KCNAB2: variants seen among roughly 807,000 people sequenced by gnomAD.
KCNAB2 encodes potassium voltage-gated channel subfamily A regulatory beta subunit 2, also known as voltage-gated potassium channel subunit beta-2.
A neutral mutation model predicts 63.6 loss-of-function variants in KCNAB2; 29 were observed. The ratio of observed to expected loss-of-function variants is 0.46; its 90% CI spans 0.34 to 0.62. KCNAB2 has a LOEUF of 0.62. Among genes scored for constraint, KCNAB2 ranks in the 20% least tolerant of loss-of-function variants. The pLI is 0.01. For missense variants in KCNAB2, 359 were observed against 563.9 expected (o/e 0.64, Z 3.68); for synonymous variants, 222 against 224.2 (o/e 0.99, Z 0.09).
intron 15 of KCNAB2, chr1:6,097,579 C>T (rs1008741662): frequency 3.3e-5 from 26 of 787,772 alleles, no homozygotes; most frequent in East Asian, 1.1e-4. Flanking sequence ...TCAGGGTGGA[C>T]GAGCGCTGTA....
At chr1:5,997,222 G>A (rs970877088) in intron 1 of KCNAB2, among the ~76,000 whole-genome samples, 9 of 152,160 alleles carry the variant, frequency 5.9e-5, no homozygotes, top group African/African-American at 1.7e-4. Context: ...CAGGAAAACC[G>A]GAGCAGAGGA....
chr1:5,993,948 C>G (rs1011887641), intron 1 of KCNAB2, among the ~76,000 whole-genome samples: 1 of 152,112 alleles, frequency 6.6e-6, no homozygotes, highest in African/African-American at 2.4e-5. Flanking sequence ...AGCTGGGGAC[C>G]GCCACTGGGG....
Position 6,074,102 on chromosome 1 carries a change from C to A in KCNAB2, c.300+332C>A, listed in dbSNP as rs1001573805. Among the ~76,000 whole-genome samples the A allele has an allele frequency of 5.3e-5, 8 of 152,234 alleles. No individual in the cohort carries two copies. The highest frequency in any genetic ancestry group is 1.2e-4 in the Non-Finnish European group (8 of 68,042). Reference sequence around the variant, plus strand: ...ACGAGGAGAATTCAGGGTGCACACGCTTCCCAAATTCTGAAGCCGGATGCA... The same window carrying A: ...ACGAGGAGAATTCAGGGTGCACACGATTCCCAAATTCTGAAGCCGGATGCA... On this transcript the variant is annotated intron_variant, in intron 4 of 15. Coordinates refer to ENST00000378083, the MANE Select transcript of KCNAB2 (RefSeq NM_001199862.2). This position sits in a 1 kb window ranked among gnomAD's most constrained non-coding sequence, Gnocchi z 4.9.
chr1:6,082,550 C>T (rs117716210), intron 5 of KCNAB2, among the ~76,000 whole-genome samples: 1 of 152,272 alleles, frequency 6.6e-6, no homozygotes, highest in East Asian at 1.9e-4. Context: ...GTGAGAGGCG[C>T]GATGGAGCTG....
Position 6,074,026 on chromosome 1 carries a change from A to C in KCNAB2, c.300+256A>C, listed in dbSNP as rs1158929136. On this transcript the variant is annotated intron_variant, in intron 4 of 15. Coordinates refer to ENST00000378083, the MANE Select transcript of KCNAB2 (RefSeq NM_001199862.2). The surrounding 1 kb of genome is among the most constrained non-coding windows in gnomAD (Gnocchi z 4.9). ...GCCTCGGGCCTCAGCATGTCCCTTA[A>C]GCTCCCCAGGACTCAGATTTCCCAC... Among the ~76,000 whole-genome samples, 1 of 152,180 alleles carries C rather than the reference A, an allele frequency of 6.6e-6. No individual in the cohort carries two copies. Among genetic ancestry groups the C allele is most frequent in the Non-Finnish European group, 1.5e-5 (1 of 68,040 alleles).
At chr1:5,997,700 G>A (rs1260634087) in intron 1 of KCNAB2, among the ~76,000 whole-genome samples, 1 of 152,176 alleles carries the variant, frequency 6.6e-6, no homozygotes, top group East Asian at 1.9e-4. Context: ...GGAGCCCTGT[G>A]ATCCCAAACA....
Position 6,073,750 on chromosome 1 carries a change from G to A in KCNAB2, c.280G>A (p.Gly94Arg), listed in dbSNP as rs368982347. 22 of 1,614,140 alleles carry A rather than the reference G, an allele frequency of 1.4e-5. No individual in the cohort carries two copies. The highest frequency in any genetic ancestry group is 6.7e-5 in the Admixed American group (4 of 60,022). Residue 94 changes from glycine (G) to arginine (R), a missense_variant, in exon 4 of 16, where the codon GGA becomes AGA. This residue lies in a region of KCNAB2 where 271 missense variants were observed against 476.1 expected (regional missense o/e 0.57). Transcript: ENST00000378083. The surrounding 1 kb of genome is among the most constrained non-coding windows in gnomAD (Gnocchi z 5.7). The part of the protein sequence containing the change: ...CLGLGTWVTF[G>R]GQITDEMAEQ... ...CCTTCCAGGAACATGGGTGACCTTC[G>A]GAGGCCAGATCACCGATGAGGTAAG...
At chr1:6,083,616 C>A (rs1047365907) in intron 5 of KCNAB2, among the ~76,000 whole-genome samples, 4 of 152,210 alleles carry the variant, frequency 2.6e-5, no homozygotes, top group African/African-American at 9.7e-5. Context: ...CCGGCCACTG[C>A]GGTCCCTCTG....
At chr1:6,018,913 T>C (rs1008392593) in intron 1 of KCNAB2, 11 of 152,246 alleles carry the variant, frequency 7.2e-5, no homozygotes, top group Non-Finnish European at 1.3e-4. Flanking sequence ...TAAAACTTTA[T>C]TTATGGATGC....
chr1:6,094,313 C>A (rs1030999565), intron 10 of KCNAB2, 87 bp from the exon 11 acceptor site: 1 of 957,186 alleles, frequency 1.0e-6, no homozygotes, highest in Non-Finnish European at 1.6e-6. Context: ...CTCCTCCCAG[C>A]GTCCTGCCTG....
chr1:6,088,447 C>G (rs1471940665), intron 7 of KCNAB2, among the ~76,000 whole-genome samples: 2 of 151,666 alleles, frequency 1.3e-5, no homozygotes, highest in African/African-American at 4.8e-5. Context: ...GGGGTTTCAT[C>G]ATGTTGTCCA....
intron 1 of KCNAB2, among the ~76,000 whole-genome samples, chr1:6,050,727 A>G (rs1452612027): frequency 1.3e-5 from 2 of 152,170 alleles, no homozygotes; most frequent in Non-Finnish European, 2.9e-5. Flanking sequence ...CATTTCAGCT[A>G]TATTTCAGTG....
At position 6,100,138 on chromosome 1, in the gene KCNAB2, G is replaced by C. The variant is rs546280933; in HGVS notation, c.*1564G>C. The C allele has an allele frequency of 7.1e-7, 1 of 1,415,216 alleles. No homozygotes were observed. The highest frequency in any genetic ancestry group is 1.4e-5 in the African/African-American group (1 of 69,076). The allele number at this position is 1,415,216 out of a possible 1,614,324, so 87.7% of individuals were successfully genotyped here. On this transcript the variant is annotated 3_prime_UTR_variant, in exon 16 of 16. Coordinates refer to ENST00000378083, the MANE Select transcript of KCNAB2 (RefSeq NM_001199862.2). ...GAAGGCTCCACCCTGCCGTCCTGCG[G>C]GAGCCTGCTGTCCAGTCCTGGCCGG...
chr1:6,088,400 T>G (rs1465204161), intron 7 of KCNAB2, among the ~76,000 whole-genome samples: 2 of 151,912 alleles, frequency 1.3e-5, no homozygotes, highest in African/African-American at 4.8e-5. Context: ...ATTTTTTTAT[T>G]TTTATTTATA....
chr1:6,020,475 C>G (rs1658755407), intron 1 of KCNAB2, among the ~76,000 whole-genome samples: 1 of 152,098 alleles, frequency 6.6e-6, no homozygotes, highest in Non-Finnish European at 1.5e-5. Context: ...TCAGCCTCTT[C>G]CATGACAAGA....
chr1:6,046,508 G>T (rs759627445), intron 1 of KCNAB2, among the ~76,000 whole-genome samples: 2 of 152,230 alleles, frequency 1.3e-5, no homozygotes, highest in Non-Finnish European at 2.9e-5. Flanking sequence ...CTCGTACCTC[G>T]CTGTGTTCAC....
intron 10 of KCNAB2, among the ~76,000 whole-genome samples, chr1:6,093,898 C>G (rs866645735): frequency 1.3e-4 from 20 of 152,340 alleles, no homozygotes; most frequent in Middle Eastern, 6.8e-3. Context: ...CCAGCCCACT[C>G]TCTGTTCCAA....
At position 6,069,237 on chromosome 1, in the gene KCNAB2, G is replaced by T. The variant is rs562295008; in HGVS notation, c.219-3518G>T. Among the ~76,000 whole-genome samples the T allele has an allele frequency of 2.1e-3, 323 of 152,316 alleles. 4 individuals carry two copies. The highest frequency in any genetic ancestry group is 7.6e-3 in the African/African-American group (316 of 41,568). ...GGAGCCACCCCATGTGCCTTCCTCC[G>T]CAACCAGCTAGCCAAGGCCACGGTG... On this transcript the variant is annotated intron_variant, in intron 2 of 15. Coordinates refer to ENST00000378083, the MANE Select transcript of KCNAB2 (RefSeq NM_001199862.2). This position sits in a 1 kb window ranked among gnomAD's most constrained non-coding sequence, Gnocchi z 5.4.
chr1:6,036,324 G>A (rs1660034574), intron 1 of KCNAB2, among the ~76,000 whole-genome samples: 3 of 152,036 alleles, frequency 2.0e-5, no homozygotes, highest in Admixed American at 2.0e-4. Flanking sequence ...CCAACATGGT[G>A]AAACTCCGTC....
Sources: gnomAD v4.1 joint callset for allele counts (sites outside exome capture counted in the v4.1 genomes callset) on GRCh38, gnomAD v4.1.1 for gene constraint, gnomAD v4.1.1 regional missense constraint, Gnocchi (gnomAD v3.1) non-coding constraint, MANE v1.5 for transcripts, NCBI Gene and HGNC (gene_info 2026-07-23, HGNC 2026-07-21) for gene names.